IRAK1BP1: variants seen among roughly 807,000 people sequenced by gnomAD.
IRAK1BP1 encodes interleukin-1 receptor-associated kinase 1-binding protein 1.
IRAK1BP1 carries 24 observed loss-of-function variants against 28.0 expected under a neutral mutation model. That is an observed-to-expected ratio of 0.86 (90% CI 0.62 to 1.20). The LOEUF is 1.20. Ranked by LOEUF, IRAK1BP1 falls within the 50% of genes most tolerant of loss-of-function variation. The pLI is 0.00. For missense variants in IRAK1BP1, 336 were observed against 316.7 expected (o/e 1.06, Z -0.46); for synonymous variants, 131 against 116.3 (o/e 1.13, Z -0.81).
At position 78,945,565 on chromosome 6, in the gene IRAK1BP1, C is replaced by T; in HGVS notation, c.*225C>T. On this transcript the variant is annotated 3_prime_UTR_variant and NMD_transcript_variant, in exon 5 of 5. Transcript: ENST00000606868. ...CCTAAAGATAAGAAAAAAGGTTAAC[C>T]TGAATTATTTGAATTAGCCAAGACA... is the stretch of plus-strand genomic sequence containing the variant. 7.0e-6 allele frequency: 7 copies of T among 993,240 alleles called. No homozygotes were observed. The South Asian group carries it at 9.0e-5, about 13-fold the overall frequency. 61.5% of individuals were successfully genotyped at this position (993,240 alleles called of 1,614,324 possible).
At chr6:78,939,021 A>G (rs1446067322) in intron 4 of IRAK1BP1, 1 of 151,772 alleles carries the variant, frequency 6.6e-6, no homozygotes, top group Non-Finnish European at 1.5e-5. Context: ...GTAGTATCTG[A>G]AAATTTTGAT....
At chr6:78,920,058 A>G (rs1031190300) in intron 4 of IRAK1BP1, among the ~76,000 whole-genome samples, 5 of 152,178 alleles carry the variant, frequency 3.3e-5, no homozygotes, top group Non-Finnish European at 5.9e-5. Context: ...AATCGAGACC[A>G]TCCTGGCCAA....
intron 1 of IRAK1BP1, among the ~76,000 whole-genome samples, chr6:78,883,464 AAC>A (rs1398512989): frequency 2.6e-5 from 4 of 152,184 alleles, no homozygotes; most frequent in South Asian, 2.1e-4. Flanking sequence ...TTATTTTAAA[AAC>A]ACTATTAAAA....
the IRAK1BP1 span, among the ~76,000 whole-genome samples, chr6:78,975,341 T>G: frequency 6.6e-6 from 1 of 152,180 alleles, no homozygotes; most frequent in Non-Finnish European, 1.5e-5. Flanking sequence ...TGCTAAAAAC[T>G]CTCAATAAAT....
At chr6:78,924,468 A>C (rs1772831970) in intron 4 of IRAK1BP1, among the ~76,000 whole-genome samples, 2 of 152,230 alleles carry the variant, frequency 1.3e-5, no homozygotes, top group Admixed American at 1.3e-4. Context: ...ATGGATTCAC[A>C]GCCGAATTCT....
At chr6:78,954,341 C>T in the IRAK1BP1 span, among the ~76,000 whole-genome samples, 4 of 151,746 alleles carry the variant, frequency 2.6e-5, no homozygotes, top group Non-Finnish European at 4.4e-5. Context: ...CTCCTGACCT[C>T]GTGATCTGCC....
intron 4 of IRAK1BP1, among the ~76,000 whole-genome samples, chr6:78,928,610 G>T (rs1772955232): frequency 6.6e-6 from 1 of 152,016 alleles, no homozygotes; most frequent in Admixed American, 6.6e-5. Flanking sequence ...TTTAAGGAAA[G>T]GTTTTCAGTT....
intron 4 of IRAK1BP1, among the ~76,000 whole-genome samples, chr6:78,944,795 A>G (rs1375297721): frequency 6.6e-6 from 1 of 152,230 alleles, no homozygotes; most frequent in Non-Finnish European, 1.5e-5. Flanking sequence ...ATATTATTTT[A>G]ACATGTCACA....
At chr6:78,965,545 C>A in the IRAK1BP1 span, among the ~76,000 whole-genome samples, 2 of 152,164 alleles carry the variant, frequency 1.3e-5, no homozygotes, top group African/African-American at 4.8e-5. Context: ...ACTGCTGAAT[C>A]TCCCCTACTT....
At chr6:78,975,003 A>AT in the IRAK1BP1 span, among the ~76,000 whole-genome samples, 6 of 151,576 alleles carry the variant, frequency 4.0e-5, no homozygotes, top group African/African-American at 1.5e-4. Context: ...AAAAGAGGGA[A>AT]TCCCCCCTAA....
At chr6:78,884,852 A>G (rs904064189) in intron 1 of IRAK1BP1, among the ~76,000 whole-genome samples, 3 of 152,126 alleles carry the variant, frequency 2.0e-5, no homozygotes, top group Non-Finnish European at 4.4e-5. Context: ...CCCTAACTTC[A>G]TACTTTCATT....
At chr6:78,923,453 C>G (rs998851857) in intron 4 of IRAK1BP1, among the ~76,000 whole-genome samples, 42 of 152,248 alleles carry the variant, frequency 2.8e-4, no homozygotes, top group Non-Finnish European at 2.4e-4. Context: ...GACTTTGACT[C>G]CCACACAATA....
the IRAK1BP1 span, among the ~76,000 whole-genome samples, chr6:78,976,774 A>C: frequency 1.4e-5 from 2 of 146,402 alleles, no homozygotes; most frequent in South Asian, 4.5e-4. Flanking sequence ...CACATGAAAA[A>C]ATGCTCACCA....
the IRAK1BP1 span, among the ~76,000 whole-genome samples, chr6:78,975,970 A>G: frequency 6.6e-6 from 1 of 151,690 alleles, no homozygotes; most frequent in East Asian, 1.9e-4. Context: ...TACAGATTCA[A>G]TGCCATCCCC....
At chr6:78,892,366 C>T (rs1351897759) in intron 2 of IRAK1BP1, among the ~76,000 whole-genome samples, 1 of 152,080 alleles carries the variant, frequency 6.6e-6, no homozygotes, top group African/African-American at 2.4e-5. Flanking sequence ...AACTTTTTGG[C>T]ATTTGCATCA....
At chr6:78,943,462 A>G (rs939555107) in intron 4 of IRAK1BP1, among the ~76,000 whole-genome samples, 9 of 152,224 alleles carry the variant, frequency 5.9e-5, no homozygotes, top group Non-Finnish European at 1.2e-4. Context: ...TATACTATTC[A>G]AACTCTAAAT....
At chr6:78,871,708 T>C in intron 1 of IRAK1BP1, 1 of 216,396 alleles carries the variant, frequency 4.6e-6, no homozygotes, top group Non-Finnish European at 8.3e-6. Flanking sequence ...TATTGGCAGG[T>C]TGCTTGCACA....
At chr6:78,947,590 C>T (rs1349213901), downstream of IRAK1BP1, 3 of 1,078,692 alleles carry the variant, frequency 2.8e-6, no homozygotes, top group Admixed American at 6.5e-5. Context: ...CTAACTTAAT[C>T]TAGTCATAAA....
chr6:78,949,885 T>A (rs1356809657), downstream of IRAK1BP1, among the ~76,000 whole-genome samples: 1 of 152,054 alleles, frequency 6.6e-6, no homozygotes, highest in Non-Finnish European at 1.5e-5. Context: ...GACGGGGTTT[T>A]GCCATATTGC....
Sources: gnomAD v4.1 joint callset for allele counts (sites outside exome capture counted in the v4.1 genomes callset) on GRCh38, gnomAD v4.1.1 for gene constraint, MANE v1.5 for transcripts, NCBI Gene and HGNC (gene_info 2026-07-23, HGNC 2026-07-21) for gene names.